Variants in IGF1R observed in about 807,000 individuals in gnomAD.
IGF1R encodes the protein insulin-like growth factor 1 receptor.
Under a neutral mutation model 144.6 loss-of-function variants are expected in IGF1R, and 44 were observed. The ratio of observed to expected loss-of-function variants is 0.30; its 90% CI spans 0.24 to 0.39. The LOEUF (loss-of-function observed/expected upper bound fraction) is 0.39, where lower values mean the gene tolerates loss of function less well. Among genes scored for constraint, IGF1R ranks in the 10% least tolerant of loss-of-function variants. The pLI, the probability that IGF1R is intolerant of heterozygous loss-of-function variation, is 1.00. For synonymous variants in IGF1R, 795 were observed against 722.8 expected (o/e 1.10, Z -1.60); for missense variants, 1,355 against 1,833.7 (o/e 0.74, Z 4.77).
rs375865757 is a variant in IGF1R, at chr15:98,662,170, G to A, written c.94+12495G>A. ...AATTTTTTTTTTTTCTAGTAGAGAC[G>A]GGGTTTAGGCATGTTGGTCAGGCTG... On this transcript the variant is annotated intron_variant, in intron 1 of 20. Coordinates refer to ENST00000650285, the MANE Select transcript of IGF1R (RefSeq NM_000875.5). Among the ~76,000 whole-genome samples, 100 of 151,470 alleles carry A rather than the reference G, an allele frequency of 6.6e-4. No individual in the cohort carries two copies. In the East Asian group the frequency reaches 0.014, roughly 21 times the overall value.
At chr15:98,893,225 G>C (rs1341583529) in intron 3 of IGF1R, among the ~76,000 whole-genome samples, 2 of 152,152 alleles carry the variant, frequency 1.3e-5, no homozygotes, top group Admixed American at 6.5e-5. Context: ...TCTTTTTCTA[G>C]TGTATTATTT....
intron 2 of IGF1R, among the ~76,000 whole-genome samples, chr15:98,831,737 A>C (rs543771338): frequency 4.1e-4 from 63 of 152,318 alleles, no homozygotes; most frequent in Admixed American, 1.2e-3. Context: ...TTTCAGGGAA[A>C]ATGAATATTT....
Position 98,896,995 on chromosome 15 carries a change from A to G in IGF1R, c.1102+90A>G, listed in dbSNP as rs2014232584. 1.2e-5 allele frequency: 15 copies of G among 1,240,370 alleles called. No individual in the cohort carries two copies. The Admixed American group carries it at 2.7e-4, about 22-fold the overall frequency. The allele number at this position is 1,240,370 out of a possible 1,614,324, so 76.8% of individuals were successfully genotyped here. A position where few individuals can be genotyped will look rare whatever the true frequency, so the allele number is the denominator to read the frequency against. ...ATGCTCCCGTCCCTGAGTCACCACT[A>G]AAATATGGGCTTAGATAAACAACAT... On this transcript the variant is annotated intron_variant, in intron 4 of 20. Coordinates refer to ENST00000650285, the MANE Select transcript of IGF1R (RefSeq NM_000875.5).
chr15:98,807,938 C>G (rs1041289566), intron 2 of IGF1R, among the ~76,000 whole-genome samples: 2 of 152,166 alleles, frequency 1.3e-5, no homozygotes, highest in African/African-American at 2.4e-5. Context: ...TCCATAAACT[C>G]TCATTATAAA....
chr15:98,650,822 G>C lies in IGF1R; in HGVS notation c.94+1147G>C, dbSNP rs982886405. The C allele has an allele frequency of 1.4e-4, 116 of 809,286 alleles. No individual in the cohort carries two copies. In the Middle Eastern group the frequency reaches 2.6e-3, roughly 18 times the overall value. The allele number at this position is 809,286 out of a possible 1,614,324, so 50.1% of individuals were successfully genotyped here. On this transcript the variant is annotated intron_variant, in intron 1 of 20. Coordinates refer to ENST00000650285, the MANE Select transcript of IGF1R (RefSeq NM_000875.5). ...TTCCTTTGTACGTAGTTAATAAGCA[G>C]TGTCGCTCCACATTCGCTGTCTTTT...
rs57868244 is a variant in IGF1R at position 98,804,083 on chromosome 15, A to G, written c.641-87242A>G. The stretch of plus-strand genomic sequence containing the variant: ...TATATTCTATCCTTACAGGACCACT[A>G]TCGTATATGCACTTCATCTTTGAAA... On this transcript the variant is annotated intron_variant, in intron 2 of 20. Transcript: ENST00000650285. Among the ~76,000 whole-genome samples, 53 of 152,328 alleles carry G rather than the reference A, an allele frequency of 3.5e-4. No homozygotes were observed. In the South Asian group the frequency reaches 6.6e-3, roughly 19 times the overall value.
intron 2 of IGF1R, among the ~76,000 whole-genome samples, chr15:98,839,735 C>G (rs2011142881): frequency 6.6e-6 from 1 of 152,176 alleles, no homozygotes; most frequent in Non-Finnish European, 1.5e-5. Flanking sequence ...GAAGGAATCT[C>G]CACAAGCCCA....
intron 11 of IGF1R, 135 bp downstream of exon 11, chr15:98,922,566 T>G: frequency 1.9e-6 from 2 of 1,049,004 alleles, no homozygotes; most frequent in Admixed American, 1.9e-5. Context: ...TAACGTGCAG[T>G]CATTGGCAGG....
chr15:98,742,984 C>A (rs1424600284), intron 2 of IGF1R, among the ~76,000 whole-genome samples: 1 of 152,134 alleles, frequency 6.6e-6, no homozygotes, highest in African/African-American at 2.4e-5. Flanking sequence ...TTGCAGTGAG[C>A]CAAGATTGTG....
At chr15:98,944,689 G>A (rs554771056) in intron 19 of IGF1R, among the ~76,000 whole-genome samples, 1 of 152,368 alleles carries the variant, frequency 6.6e-6, no homozygotes, top group Admixed American at 6.5e-5. Flanking sequence ...CAGAATTTTA[G>A]GATTTGGGAT....
chr15:98,649,507 CT>C lies in IGF1R; in HGVS notation c.-68del. 6 of 1,037,392 alleles carry C rather than the reference CT, an allele frequency of 5.8e-6. No individual in the cohort carries two copies. In the Admixed American group the frequency reaches 6.4e-5, roughly 11 times the overall value. The allele number at this position is 1,037,392 out of a possible 1,614,324, so 64.3% of individuals were successfully genotyped here. Reference sequence around the variant, plus strand: ...TTTGAGACTTGTTTCCTTTCATTTCCTTTTTTTCTTTTCTTTTCTTTTTTTT... The same window carrying C: ...TTTGAGACTTGTTTCCTTTCATTTCCTTTTTTCTTTTCTTTTCTTTTTTTT... On this transcript the variant is annotated 5_prime_UTR_variant, in exon 1 of 21. Coordinates refer to ENST00000650285, the MANE Select transcript of IGF1R (RefSeq NM_000875.5).
chr15:98,799,418 G>C (rs2056315787), intron 2 of IGF1R, among the ~76,000 whole-genome samples: 1 of 151,816 alleles, frequency 6.6e-6, no homozygotes, highest in East Asian at 1.9e-4. Flanking sequence ...ACAGCCTCTA[G>C]GAGGTGTGGG....
At chr15:98,705,469 A>T (rs1380689250) in intron 1 of IGF1R, among the ~76,000 whole-genome samples, 1 of 152,154 alleles carries the variant, frequency 6.6e-6, no homozygotes, top group Non-Finnish European at 1.5e-5. Flanking sequence ...GACTTCCCCA[A>T]ATCTGTTTCC....
chr15:98,803,254 C>G (rs572827644), intron 2 of IGF1R, among the ~76,000 whole-genome samples: 9 of 152,278 alleles, frequency 5.9e-5, no homozygotes, highest in Admixed American at 5.9e-4. Flanking sequence ...GAGCATGTTG[C>G]TGTTCTGAAC....
intron 2 of IGF1R, among the ~76,000 whole-genome samples, chr15:98,710,757 C>G (rs1280195404): frequency 6.6e-6 from 1 of 151,114 alleles, no homozygotes; most frequent in African/African-American, 2.4e-5. Flanking sequence ...ACCTCCGTCT[C>G]CTGGGTTCAA....
intron 1 of IGF1R, among the ~76,000 whole-genome samples, chr15:98,658,593 G>T (rs1276880831): frequency 6.6e-6 from 1 of 152,208 alleles, no homozygotes; most frequent in African/African-American, 2.4e-5. Flanking sequence ...TCAAAAGGCA[G>T]CACGCTAAGT....
At chr15:98,876,396 C>T (rs1323687246) in intron 2 of IGF1R, among the ~76,000 whole-genome samples, 1 of 151,036 alleles carries the variant, frequency 6.6e-6, no homozygotes, top group African/African-American at 2.4e-5. Context: ...AGATTTTTTC[C>T]CTAGTTGAAA....
At chr15:98,923,780 C>T (rs903442011) in intron 11 of IGF1R, 96 bp from the exon 12 acceptor site, 2 of 973,250 alleles carry the variant, frequency 2.1e-6, no homozygotes. Context: ...ACTGTCCTGC[C>T]CGTGTGGATG....
intron 1 of IGF1R, among the ~76,000 whole-genome samples, chr15:98,676,345 C>G (rs1360009537): frequency 6.6e-6 from 1 of 151,962 alleles, no homozygotes; most frequent in Non-Finnish European, 1.5e-5. Context: ...ACTATGTTGG[C>G]CAGGCTGGTC....
Sources: gnomAD v4.1 joint callset for allele counts (sites outside exome capture counted in the v4.1 genomes callset) on GRCh38, gnomAD v4.1.1 for gene constraint, MANE v1.5 for transcripts, NCBI Gene and HGNC (gene_info 2026-07-23, HGNC 2026-07-21) for gene names.